STX1A: variants seen among roughly 807,000 people sequenced by gnomAD.
The protein encoded by STX1A is syntaxin-1A.
Under a neutral mutation model 37.8 loss-of-function variants are expected in STX1A, and 4 were observed. The ratio of observed to expected loss-of-function variants is 0.11; its 90% CI spans 0.05 to 0.24. STX1A has a LOEUF of 0.24. Ranked by LOEUF, STX1A falls within the 10% of genes least tolerant of loss-of-function variation. STX1A has a pLI of 1.00. For missense variants in STX1A, 251 were observed against 399.9 expected (o/e 0.63, Z 3.18); for synonymous variants, 135 against 147.4 (o/e 0.92, Z 0.61).
At chr7:73,701,383 G>A (rs577858951) in intron 8 of STX1A, among the ~76,000 whole-genome samples, 106 of 152,170 alleles carry the variant, frequency 7.0e-4, no homozygotes, top group African/African-American at 2.3e-3. Context: ...TTAGCTGGGC[G>A]TGGTGGCGAG....
At chr7:73,714,388 G>A (rs551308751) in intron 1 of STX1A, among the ~76,000 whole-genome samples, 7 of 151,952 alleles carry the variant, frequency 4.6e-5, no homozygotes, top group Non-Finnish European at 7.4e-5. Flanking sequence ...GATTACAGGC[G>A]TAAGCCACCG....
chr7:73,713,359 CA>C (rs1799172134), intron 1 of STX1A, among the ~76,000 whole-genome samples: 2 of 152,312 alleles, frequency 1.3e-5, no homozygotes, highest in South Asian at 4.1e-4. Context: ...CACTCTTGAC[CA>C]AAATGTAACT....
chr7:73,708,828 G>A, intron 2 of STX1A, 140 bp from the exon 3 acceptor site: 1 of 960,458 alleles, frequency 1.0e-6, no homozygotes, highest in Admixed American at 2.1e-5. Context: ...TGCAGTGGGG[G>A]TGCATCCTTC....
At position 73,703,832 on chromosome 7, in the gene STX1A, C is replaced by A; in HGVS notation, c.467-4G>T. 1.2e-6 allele frequency: 2 copies of A among 1,613,036 alleles called. No homozygotes were observed. Among genetic ancestry groups the A allele is most frequent in the Non-Finnish European group, 1.7e-6 (2 of 1,179,592 alleles). ...TCACTGGTCGTGGTCCTGCCGGCTG[C>A]AAGCGAGTGGGGTCACACTGAGCCC... On this transcript the variant is annotated splice_polypyrimidine_tract_variant and splice_region_variant and intron_variant, in intron 6 of 9. Transcript: ENST00000222812.
chr7:73,701,065 G>A (rs1798635185), intron 8 of STX1A: 2 of 811,136 alleles, frequency 2.5e-6, no homozygotes, highest in African/African-American at 1.7e-5. Context: ...CAGCAATCCT[G>A]GGGGTGGAGC....
intron 1 of STX1A, among the ~76,000 whole-genome samples, chr7:73,714,950 C>A (rs1366667879): frequency 6.6e-6 from 1 of 151,980 alleles, no homozygotes; most frequent in Non-Finnish European, 1.5e-5. Context: ...CATGGCAAAA[C>A]CCCATCTCTA....
chr7:73,700,917 G>T lies in STX1A; in HGVS notation c.679-77C>A, dbSNP rs782734933. ...GTTGGGGCTCGGGGCAGGACTTCAG[G>T]AAAGCACCCTGAGGCTAGAGACAAA... On this transcript the variant is annotated intron_variant, in intron 8 of 9. Transcript: ENST00000222812. The surrounding 1 kb of genome is among the most constrained non-coding windows in gnomAD (Gnocchi z 4.4). 2 of 1,592,136 alleles carry T rather than the reference G, an allele frequency of 1.3e-6. No homozygotes were observed. Among genetic ancestry groups the T allele is most frequent in the South Asian group, 2.2e-5 (2 of 90,030 alleles).
chr7:73,719,644 G>T lies in STX1A; in HGVS notation c.-13C>A. 1 of 1,191,718 alleles carries T rather than the reference G, an allele frequency of 8.4e-7. No homozygotes were observed. Among genetic ancestry groups the T allele is most frequent in the Non-Finnish European group, 1.0e-6 (1 of 957,680 alleles). 73.8% of individuals were successfully genotyped at this position (1,191,718 alleles called of 1,614,324 possible). A position where few individuals can be genotyped will look rare whatever the true frequency, so the allele number is the denominator to read the frequency against. On this transcript the variant is annotated 5_prime_UTR_variant, in exon 1 of 10. Coordinates refer to ENST00000222812, the MANE Select transcript of STX1A (RefSeq NM_004603.4). ...TTCGGTCCTTCATGCTCCCGGGAGT[G>T]GCAGCGGCGCCGGCTGCAGCCGTGT...
In STX1A at chr7:73,700,352, G is replaced by C. The variant is rs1798604299; in HGVS notation, c.*55C>G. The C allele has an allele frequency of 1.3e-6, 2 of 1,584,250 alleles. No homozygotes were observed. Among genetic ancestry groups the C allele is most frequent in the African/African-American group, 2.7e-5 (2 of 74,268 alleles). ...AGGGCAGCCCAGCCAGGTGGCAGCA[G>C]CCAGGGCCTCCTTGGAGTGGCCCAC... On this transcript the variant is annotated 3_prime_UTR_variant, in exon 10 of 10. Transcript: ENST00000222812. The surrounding 1 kb of genome is among the most constrained non-coding windows in gnomAD (Gnocchi z 4.4).
chr7:73,714,934 G>A (rs1799237691), intron 1 of STX1A, among the ~76,000 whole-genome samples: 1 of 151,942 alleles, frequency 6.6e-6, no homozygotes, highest in Non-Finnish European at 1.5e-5. Context: ...AGAACAGCCT[G>A]GTCAACATGG....
intron 1 of STX1A, among the ~76,000 whole-genome samples, chr7:73,718,232 G>A (rs1799360034): frequency 6.6e-6 from 1 of 152,180 alleles, no homozygotes; most frequent in South Asian, 2.1e-4. Flanking sequence ...AACCTCATGG[G>A]GTTTACACCA....
intron 4 of STX1A, chr7:73,704,663 A>C (rs1439853677): frequency 3.4e-6 from 2 of 582,598 alleles, no homozygotes; most frequent in Non-Finnish European, 6.1e-6. Flanking sequence ...CGTGTGTGTG[A>C]GGTCTGGTAG....
rs1798613003 is a variant in STX1A at position 73,700,546 on chromosome 7, T to C, written c.790-62A>G. On this transcript the variant is annotated intron_variant, in intron 9 of 9. Coordinates refer to ENST00000222812, the MANE Select transcript of STX1A (RefSeq NM_004603.4). The surrounding 1 kb of genome is among the most constrained non-coding windows in gnomAD (Gnocchi z 4.4). ...GTTGGCGGCAGGTGGGGTGGGACTA[T>C]GGCAAAGGCTGAGGACTGGACAGTC... 5 of 1,579,982 alleles carry C rather than the reference T, an allele frequency of 3.2e-6. No homozygotes were observed. In the African/African-American group the frequency reaches 7.0e-5, roughly 22 times the overall value.
Position 73,709,204 on chromosome 7 carries a change from G to T in STX1A, c.31-82C>A. On this transcript the variant is annotated intron_variant, in intron 1 of 9. Transcript: ENST00000222812. This position sits in a 1 kb window ranked among gnomAD's most constrained non-coding sequence, Gnocchi z 4.2. The stretch of plus-strand genomic sequence containing the variant: ...CGCAGGTGCCCAGGGTACAGCGCCA[G>T]GGCCCTGCCCCTCCCCCTCTCCCTG... 6.9e-7 allele frequency: 1 copy of T among 1,441,076 alleles called. No individual in the cohort carries two copies. Among genetic ancestry groups the T allele is most frequent in the South Asian group, 1.2e-5 (1 of 86,700 alleles). 89.3% of individuals were successfully genotyped at this position (1,441,076 alleles called of 1,614,324 possible).
At chr7:73,703,952 G>GGCCCC in intron 6 of STX1A, 124 bp from the exon 7 acceptor site, 2 of 1,058,400 alleles carry the variant, frequency 1.9e-6, no homozygotes, top group Non-Finnish European at 2.6e-6. Context: ...GGCAGCCTCA[G>GGCCCC]GCCCCGCCCC....
Position 73,700,884 on chromosome 7 carries a change from AGGGTTG to A in STX1A, c.679-50_679-45del. 1 of 1,608,548 alleles carries A rather than the reference AGGGTTG, an allele frequency of 6.2e-7. No individual in the cohort carries two copies. The highest frequency in any genetic ancestry group is 8.5e-7 in the Non-Finnish European group (1 of 1,179,524). On this transcript the variant is annotated intron_variant, in intron 8 of 9. Transcript: ENST00000222812. This position sits in a 1 kb window ranked among gnomAD's most constrained non-coding sequence, Gnocchi z 4.4. ...CCGAGCTCCAGAGGGCCCCCTCCTCAGGGTTGGGTTGGGGCTCGGGGCAGGACTTCA... is the reference window on the plus strand; with the variant it reads ...CCGAGCTCCAGAGGGCCCCCTCCTCAGGTTGGGGCTCGGGGCAGGACTTCA...
In STX1A at chr7:73,704,353, T is replaced by G; in HGVS notation, c.354A>C (p.Thr118=). Residue 118 remains threonine, a synonymous_variant, in exon 5 of 10, where the codon ACA becomes ACC. Transcript: ENST00000222812. ...RSSADLRIRK[T]QHSTLSRKFV... ...ATCCTAGACTCCGTGGCCGCACCTG[T>G]GTCTTCCGGATCCTCAGGTCAGCGG... 1.9e-6 allele frequency: 3 copies of G among 1,614,172 alleles called. No individual in the cohort carries two copies. Among genetic ancestry groups the G allele is most frequent in the East Asian group, 4.5e-5 (2 of 44,886 alleles).
Position 73,705,304 on chromosome 7 carries a change from G to A in STX1A, c.209-80C>T. 1 of 1,204,666 alleles carries A rather than the reference G, an allele frequency of 8.3e-7. No individual in the cohort carries two copies. Among genetic ancestry groups the A allele is most frequent in the Non-Finnish European group, 1.2e-6 (1 of 812,540 alleles). 74.6% of individuals were successfully genotyped at this position (1,204,666 alleles called of 1,614,324 possible). ...TGCAGGCTCAGCCTCCAGCCCAGGG[G>A]GCCCAGTGGGAGGCTCTGGGAAGAT... On this transcript the variant is annotated intron_variant, in intron 3 of 9. Transcript: ENST00000222812. The surrounding 1 kb of genome is among the most constrained non-coding windows in gnomAD (Gnocchi z 5.2).
At chr7:73,704,126 C>T (rs958249225) in intron 6 of STX1A, 22 bp downstream of exon 6, 1 of 1,588,904 alleles carries the variant, frequency 6.3e-7, no homozygotes, top group Non-Finnish European at 8.6e-7. Context: ...AGGCCCCGCC[C>T]CAGGCCCCAC....
Sources: gnomAD v4.1 joint callset for allele counts (sites outside exome capture counted in the v4.1 genomes callset) on GRCh38, gnomAD v4.1.1 for gene constraint, Gnocchi (gnomAD v3.1) non-coding constraint, MANE v1.5 for transcripts, NCBI Gene and HGNC (gene_info 2026-07-23, HGNC 2026-07-21) for gene names.